HTR2C: variants seen among roughly 807,000 people sequenced by gnomAD.
HTR2C encodes the protein 5-hydroxytryptamine (serotonin) receptor 2C, G protein-coupled.
Under a neutral mutation model 21.0 loss-of-function variants are expected in HTR2C, and 5 were observed. The observed-to-expected ratio is 0.24, with a 90% confidence interval of 0.12 to 0.50. The LOEUF (loss-of-function observed/expected upper bound fraction) is 0.50, where lower values mean the gene tolerates loss of function less well. Ranked by LOEUF, HTR2C falls within the 20% of genes least tolerant of loss-of-function variation. HTR2C has a pLI of 0.98. For synonymous variants in HTR2C, 150 were observed against 145.3 expected (o/e 1.03, Z -0.23); for missense variants, 271 against 371.2 (o/e 0.73, Z 2.22).
intron 5 of HTR2C, among the ~76,000 whole-genome samples, chrX:114,861,359 G>C (rs1185703880): frequency 9.0e-6 from 1 of 111,008 alleles, no homozygotes; most frequent in Non-Finnish European, 1.9e-5. Context: ...ATCTCATTCT[G>C]TTTTAGGGCT....
chrX:114,657,610 C>A (rs1930829102), intron 2 of HTR2C, among the ~76,000 whole-genome samples: 1 of 111,405 alleles, frequency 9.0e-6, no homozygotes, highest in Non-Finnish European at 1.9e-5. Context: ...TACAGTTTGT[C>A]TAGGGCAGCT....
At chrX:114,691,550 A>G (rs1487340545) in intron 2 of HTR2C, among the ~76,000 whole-genome samples, 1 of 111,687 alleles carries the variant, frequency 9.0e-6, no homozygotes, top group Non-Finnish European at 1.9e-5. Flanking sequence ...TCTACCATAC[A>G]TGCTATCTTA....
At chrX:114,684,085 G>A (rs181493925) in intron 2 of HTR2C, among the ~76,000 whole-genome samples, 29 of 111,193 alleles carry the variant, frequency 2.6e-4, no homozygotes, top group African/African-American at 9.1e-4. Flanking sequence ...TAACATAAGC[G>A]AAGAGCTTTA....
At chrX:114,657,377 T>C (rs1310836561) in intron 2 of HTR2C, among the ~76,000 whole-genome samples, 3 of 110,928 alleles carry the variant, frequency 2.7e-5, no homozygotes, top group Admixed American at 9.7e-5. Context: ...CTTCAGAAGG[T>C]GACTACTTTT....
chrX:114,815,293 C>A (rs2070574106), intron 4 of HTR2C, among the ~76,000 whole-genome samples: 1 of 110,774 alleles, frequency 9.0e-6, no homozygotes, highest in African/African-American at 3.3e-5. Flanking sequence ...CTACTTCTAA[C>A]AAATAGGCAC....
At chrX:114,769,956 C>T (rs2069984125) in intron 4 of HTR2C, among the ~76,000 whole-genome samples, 1 of 111,232 alleles carries the variant, frequency 9.0e-6, no homozygotes, top group Non-Finnish European at 1.9e-5. Flanking sequence ...CTTTCTCTTT[C>T]ATTTTTTTAA....
At chrX:114,760,897 C>G (rs1223889068) in intron 4 of HTR2C, among the ~76,000 whole-genome samples, 2 of 111,332 alleles carry the variant, frequency 1.8e-5, no homozygotes, top group Non-Finnish European at 3.8e-5. Flanking sequence ...ACACTTCAAC[C>G]AAACTAGACA....
chrX:114,798,336 C>T (rs2070314226), intron 4 of HTR2C, among the ~76,000 whole-genome samples: 1 of 110,889 alleles, frequency 9.0e-6, no homozygotes, highest in South Asian at 3.8e-4. Context: ...CAGTCCTTTA[C>T]AATCAAGAGA....
rs2070890250 is a variant in HTR2C at position 114,848,303 on chromosome X, G to A, written c.550+100G>A. On this transcript the variant is annotated intron_variant, in intron 5 of 5. Transcript: ENST00000276198. ...GTACAGACGTCGACTGGTAACATTT[G>A]CGTTTGATCGGGTTCTTTTATTTAG... 10 of 499,739 alleles carry A rather than the reference G, an allele frequency of 2.0e-5. No homozygotes were observed. In the East Asian group the frequency reaches 3.4e-4, roughly 17 times the overall value. 41.2% of individuals were successfully genotyped at this position (499,739 alleles called of 1,213,427 possible).
At chrX:114,820,559 G>T (rs980574948) in intron 4 of HTR2C, among the ~76,000 whole-genome samples, 4 of 110,532 alleles carry the variant, frequency 3.6e-5, no homozygotes, top group African/African-American at 1.3e-4. Flanking sequence ...ATCTCAACTT[G>T]AATTGTATCT....
At chrX:114,713,977 T>A in intron 2 of HTR2C, among the ~76,000 whole-genome samples, 1 of 111,569 alleles carries the variant, frequency 9.0e-6, no homozygotes, top group East Asian at 2.8e-4. Flanking sequence ...GGAGGTACTC[T>A]GAGAGGGTAA....
At chrX:114,707,435 A>G (rs1485877929) in intron 2 of HTR2C, among the ~76,000 whole-genome samples, 1 of 111,237 alleles carries the variant, frequency 9.0e-6, no homozygotes, top group Admixed American at 9.7e-5. Context: ...AATAAAAACA[A>G]TTTTAAAAAC....
chrX:114,604,540 G>A lies in HTR2C; in HGVS notation c.-146-9275G>A, dbSNP rs377598024. Among the ~76,000 whole-genome samples the A allele has an allele frequency of 1.0e-3, 110 of 109,964 alleles. No homozygotes were observed. In the East Asian group the frequency reaches 0.025, roughly 25 times the overall value. On this transcript the variant is annotated intron_variant, in intron 1 of 5. Coordinates refer to ENST00000276198, the MANE Select transcript of HTR2C (RefSeq NM_000868.4). ...ATCTGTGATGGTCTAGGGGGCTTCC[G>A]AGGCGATCGGGCAGTGTCAGTCTTC...
chrX:114,776,401 T>A (rs2070057337), intron 4 of HTR2C: 3 of 762,972 alleles, frequency 3.9e-6, no homozygotes, highest in Non-Finnish European at 2.0e-6. Flanking sequence ...CCTTCATCTT[T>A]GTCAGGACCA....
intron 1 of HTR2C, among the ~76,000 whole-genome samples, chrX:114,593,836 AAAT>A (rs1157706194): frequency 8.9e-6 from 1 of 111,864 alleles, no homozygotes; most frequent in African/African-American, 3.2e-5. Context: ...AATCCACTTC[AAAT>A]AATAATACTC....
At chrX:114,879,124 C>A (rs185428912) in intron 5 of HTR2C, among the ~76,000 whole-genome samples, 1 of 108,771 alleles carries the variant, frequency 9.2e-6, no homozygotes, top group Admixed American at 9.9e-5. Flanking sequence ...TTTTTTCCAT[C>A]AATTCTGTCA....
chrX:114,606,766 A>AC (rs1199475972), intron 1 of HTR2C, among the ~76,000 whole-genome samples: 6 of 111,557 alleles, frequency 5.4e-5, no homozygotes, highest in Non-Finnish European at 1.1e-4. Flanking sequence ...CAAGGGAGGT[A>AC]CCCCGATCCA....
At chrX:114,675,377 A>G (rs1165414081) in intron 2 of HTR2C, among the ~76,000 whole-genome samples, 4 of 112,261 alleles carry the variant, frequency 3.6e-5, no homozygotes, top group African/African-American at 1.3e-4. Flanking sequence ...ATAGTAGTAC[A>G]TCCTTCTAAA....
At chrX:114,799,236 AAACTTTT>A (rs1195874506) in intron 4 of HTR2C, among the ~76,000 whole-genome samples, 19 of 111,108 alleles carry the variant, frequency 1.7e-4, no homozygotes, top group African/African-American at 6.2e-4. Flanking sequence ...AAGGGATGGA[AAACTTTT>A]AACTTTATGT....
Sources: gnomAD v4.1 joint callset for allele counts (sites outside exome capture counted in the v4.1 genomes callset) on GRCh38, gnomAD v4.1.1 for gene constraint, MANE v1.5 for transcripts, NCBI Gene and HGNC (gene_info 2026-07-23, HGNC 2026-07-21) for gene names.